Variants in ZFX observed in about 807,000 individuals in gnomAD.
ZFX encodes zinc finger X-chromosomal protein.
For synonymous variants in ZFX, 196 were observed against 226.8 expected (o/e 0.86, Z 1.22); for missense variants, 362 against 628.3 (o/e 0.58, Z 4.53).
At chrX:24,174,436 C>G (rs1456165075) in intron 4 of ZFX, among the ~76,000 whole-genome samples, 1 of 104,027 alleles carries the variant, frequency 9.6e-6, no homozygotes, top group African/African-American at 3.5e-5. Context: ...ACTCTGTCAC[C>G]AGGCTGGAGT....
At chrX:24,152,478 C>T (rs974791329) in intron 2 of ZFX, among the ~76,000 whole-genome samples, 1 of 111,289 alleles carries the variant, frequency 9.0e-6, no homozygotes, top group Non-Finnish European at 1.9e-5. Context: ...GGCATAGATA[C>T]CCATTTTCAG....
intron 5 of ZFX, among the ~76,000 whole-genome samples, chrX:24,197,495 A>C (rs1937001233): frequency 8.9e-6 from 1 of 111,974 alleles, no homozygotes; most frequent in Non-Finnish European, 1.9e-5. Flanking sequence ...AAGAAATCAC[A>C]AAATGAAATT....
intron 5 of ZFX, among the ~76,000 whole-genome samples, chrX:24,187,323 G>GTC (rs1431465792): frequency 1.8e-5 from 2 of 111,164 alleles, no homozygotes; most frequent in Non-Finnish European, 3.8e-5. Context: ...CTCTCTCTGT[G>GTC]TCTCTCTCTC....
At chrX:24,166,237 A>G (rs984224278) in intron 3 of ZFX, among the ~76,000 whole-genome samples, 18 of 112,485 alleles carry the variant, frequency 1.6e-4, no homozygotes, top group African/African-American at 5.8e-4. Context: ...ATAGATTGTG[A>G]AAGTTTGGAC....
intron 5 of ZFX, among the ~76,000 whole-genome samples, chrX:24,181,406 G>T (rs1455932122): frequency 1.8e-5 from 2 of 111,825 alleles, no homozygotes; most frequent in African/African-American, 6.5e-5. Context: ...TGACTAAACT[G>T]CCATGGAGAT....
intron 3 of ZFX, among the ~76,000 whole-genome samples, chrX:24,154,677 T>TA (rs1408627828): frequency 8.9e-6 from 1 of 112,115 alleles, no homozygotes; most frequent in Non-Finnish European, 1.9e-5. Flanking sequence ...CAGAAACACT[T>TA]ACGGGAATCC....
At chrX:24,150,316 AG>A (rs1341453291) in intron 1 of ZFX, among the ~76,000 whole-genome samples, 6 of 52,608 alleles carry the variant, frequency 1.1e-4, no homozygotes, top group Admixed American at 2.1e-4. Context: ...ACAGCCCGTG[AG>A]GGGGGGTGGG....
At chrX:24,162,055 G>GAA (rs202137665) in intron 3 of ZFX, among the ~76,000 whole-genome samples, 4 of 82,401 alleles carry the variant, frequency 4.9e-5, no homozygotes, top group Non-Finnish European at 4.9e-5. Context: ...GTCTAAAAAG[G>GAA]AAAAAAAAAA....
At chrX:24,177,715 C>T (rs1329492949) in intron 4 of ZFX, 3 of 750,904 alleles carry the variant, frequency 4.0e-6, no homozygotes, top group Non-Finnish European at 3.1e-6. Context: ...TTTCTATAGC[C>T]ATAGATGGAG....
rs1411166713 is a variant in ZFX, at chrX:24,215,767, T to G, written c.*4391T>G. ...TGCACTTCCTAAATCTCGTGTGGCC[T>G]CCCATGGTTACATTCTTCAAAGGTA... On this transcript the variant is annotated 3_prime_UTR_variant, in exon 10 of 10. Coordinates refer to ENST00000304543, the MANE Select transcript of ZFX (RefSeq NM_003410.4). 9.0e-6 allele frequency: 1 copy of G among 110,713 alleles called. No individual in the cohort carries two copies. The highest frequency in any genetic ancestry group is 1.9e-5 in the Non-Finnish European group (1 of 52,950). The allele number at this position is 110,713 out of a possible 1,213,427, so 9.1% of individuals were successfully genotyped here.
intron 4 of ZFX, among the ~76,000 whole-genome samples, chrX:24,176,188 C>T (rs1252593740): frequency 6.1e-4 from 65 of 107,186 alleles, no homozygotes; most frequent in African/African-American, 2.1e-3. Flanking sequence ...TACAGGCATG[C>T]GCCACCATGT....
intron 3 of ZFX, among the ~76,000 whole-genome samples, chrX:24,157,918 C>A (rs1321706069): frequency 9.0e-6 from 1 of 111,069 alleles, no homozygotes; most frequent in Non-Finnish European, 1.9e-5. Flanking sequence ...GCTGCCACGC[C>A]CAGCTAATTT....
intron 5 of ZFX, among the ~76,000 whole-genome samples, chrX:24,191,147 T>C (rs950465206): frequency 1.8e-5 from 2 of 112,116 alleles, no homozygotes; most frequent in East Asian, 2.8e-4. Context: ...AAATCAGTTA[T>C]TGTTTTACTA....
intron 4 of ZFX, among the ~76,000 whole-genome samples, chrX:24,174,112 C>G (rs1002653880): frequency 8.2e-5 from 9 of 110,045 alleles, no homozygotes; most frequent in African/African-American, 3.0e-4. Context: ...ACTCGGGAGG[C>G]TGAGGCCTGA....
At position 24,212,147 on chromosome X, in the gene ZFX, C is replaced by G. The variant is rs758093446; in HGVS notation, c.*771C>G. ...GGTTGTGTGCTACAAATGACACTTA[C>G]TGAGGACTGCATTTTGGAATCTCCT... On this transcript the variant is annotated 3_prime_UTR_variant, in exon 10 of 10. Coordinates refer to ENST00000304543, the MANE Select transcript of ZFX (RefSeq NM_003410.4). 2 of 112,367 alleles carry G rather than the reference C, an allele frequency of 1.8e-5. No individual in the cohort carries two copies. Among genetic ancestry groups the G allele is most frequent in the African/African-American group, 6.5e-5 (2 of 30,898 alleles). The allele number at this position is 112,367 out of a possible 1,213,427, so 9.3% of individuals were successfully genotyped here. A position where few individuals can be genotyped will look rare whatever the true frequency, so the allele number is the denominator to read the frequency against.
chrX:24,153,563 A>C (rs1051919797), intron 3 of ZFX, among the ~76,000 whole-genome samples: 1 of 111,446 alleles, frequency 9.0e-6, no homozygotes, highest in African/African-American at 3.3e-5. Flanking sequence ...CACCCCACTT[A>C]TTCTTAAATC....
intron 5 of ZFX, among the ~76,000 whole-genome samples, chrX:24,195,287 G>GGT (rs1936830104): frequency 9.1e-6 from 1 of 109,615 alleles, no homozygotes; most frequent in South Asian, 4.0e-4. Context: ...CTGCCTCCCA[G>GGT]GTTCAAGCAA....
chrX:24,191,110 C>CT (rs890106383), intron 5 of ZFX, among the ~76,000 whole-genome samples: 6 of 111,312 alleles, frequency 5.4e-5, no homozygotes, highest in Non-Finnish European at 9.4e-5. Context: ...ACAGTTATTC[C>CT]TTTTTTTTCC....
At position 24,207,866 on chromosome X, in the gene ZFX, G is replaced by A; in HGVS notation, c.940+11G>A. 8.3e-7 allele frequency: 1 copy of A among 1,206,463 alleles called. No individual in the cohort carries two copies. The highest frequency in any genetic ancestry group is 1.1e-6 in the Non-Finnish European group (1 of 894,030). ...AAGATGAAGATTTAAGTAAGTAGGTGGCCTTTTTGTGGGAGAAAATTTTAT... is the reference window on the plus strand; with the variant it reads ...AAGATGAAGATTTAAGTAAGTAGGTAGCCTTTTTGTGGGAGAAAATTTTAT... On this transcript the variant is annotated intron_variant, in intron 7 of 9. Transcript: ENST00000304543.
Sources: allele counts gnomAD v4.1 joint callset (sites outside exome capture counted in the v4.1 genomes callset), GRCh38; gene constraint gnomAD v4.1.1; transcripts MANE v1.5; gene names NCBI Gene and HGNC (gene_info 2026-07-23, HGNC 2026-07-21).